Variants in INPP4B observed in about 807,000 individuals in gnomAD.
INPP4B encodes the protein inositol polyphosphate 4-phosphatase type II.
INPP4B carries 55 observed loss-of-function variants against 122.5 expected under a neutral mutation model. The ratio of observed to expected loss-of-function variants is 0.45; its 90% CI spans 0.36 to 0.56. INPP4B has a LOEUF of 0.56. INPP4B is among the 20% of genes least tolerant of loss of function. INPP4B has a pLI of 0.00. For synonymous variants in INPP4B, 403 were observed against 388.7 expected (o/e 1.04, Z -0.43); for missense variants, 1,000 against 1,097.7 (o/e 0.91, Z 1.26).
At chr4:142,324,521 C>A (rs1198227797) in intron 7 of INPP4B, among the ~76,000 whole-genome samples, 3 of 152,146 alleles carry the variant, frequency 2.0e-5, no homozygotes, top group Admixed American at 2.0e-4. Flanking sequence ...CTTTTGGACT[C>A]CAAAACTGTC....
At chr4:142,548,209 A>C (rs1272571262) in intron 2 of INPP4B, among the ~76,000 whole-genome samples, 1 of 152,194 alleles carries the variant, frequency 6.6e-6, no homozygotes, top group Middle Eastern at 3.2e-3. Flanking sequence ...GCCAAGTACT[A>C]GTCATGACAG....
At chr4:142,138,922 C>T (rs897222657) in intron 18 of INPP4B, among the ~76,000 whole-genome samples, 1 of 152,154 alleles carries the variant, frequency 6.6e-6, no homozygotes, top group African/African-American at 2.4e-5. Flanking sequence ...GCCTCAAGGC[C>T]AATAAAGATT....
chr4:142,831,579 A>G (rs1782143740), intron 1 of INPP4B, among the ~76,000 whole-genome samples: 1 of 152,216 alleles, frequency 6.6e-6, no homozygotes, highest in Admixed American at 6.5e-5. Context: ...TTTAAAGAAC[A>G]TGGTACCTAC....
intron 23 of INPP4B, among the ~76,000 whole-genome samples, chr4:142,103,620 T>A (rs970768271): frequency 1.3e-5 from 2 of 152,114 alleles, no homozygotes; most frequent in African/African-American, 4.8e-5. Context: ...AGAAAGAGGT[T>A]TAGCCTTAAT....
intron 18 of INPP4B, among the ~76,000 whole-genome samples, chr4:142,136,839 A>T (rs1291904017): frequency 3.3e-5 from 5 of 152,176 alleles, no homozygotes; most frequent in Non-Finnish European, 7.3e-5. Flanking sequence ...ACAAACCTAA[A>T]GGCAGGTAAA....
intron 2 of INPP4B, among the ~76,000 whole-genome samples, chr4:142,546,107 C>T (rs1829620422): frequency 6.6e-6 from 1 of 151,834 alleles, no homozygotes; most frequent in Non-Finnish European, 1.5e-5. Context: ...TTTGAAAGGA[C>T]CCAATGTGTG....
At chr4:142,368,996 A>G (rs1788675626) in intron 7 of INPP4B, among the ~76,000 whole-genome samples, 1 of 151,976 alleles carries the variant, frequency 6.6e-6, no homozygotes, top group South Asian at 2.1e-4. Context: ...TGATGGTAAG[A>G]GGAGGAGGAG....
chr4:142,095,981 G>A (rs2152592593), intron 23 of INPP4B: 1 of 152,300 alleles, frequency 6.6e-6, no homozygotes, highest in African/African-American at 2.4e-5. Context: ...TTTCCCTGGT[G>A]AGATAATGGT....
chr4:142,702,830 C>T (rs1047358174), intron 2 of INPP4B, among the ~76,000 whole-genome samples: 4 of 151,520 alleles, frequency 2.6e-5, no homozygotes, highest in Admixed American at 2.6e-4. Context: ...AAAAAATTTC[C>T]CTAATTTGGT....
intron 2 of INPP4B, among the ~76,000 whole-genome samples, chr4:142,521,733 A>G (rs115839092): frequency 6.6e-6 from 1 of 152,138 alleles, no homozygotes; most frequent in Non-Finnish European, 1.5e-5. Flanking sequence ...CAAATAATAC[A>G]TAAGATTTCT....
At chr4:142,626,607 T>A (rs1746466310) in intron 2 of INPP4B, among the ~76,000 whole-genome samples, 3 of 152,014 alleles carry the variant, frequency 2.0e-5, no homozygotes, top group African/African-American at 7.2e-5. Context: ...GATTTCAGCC[T>A]TGTGGGATCA....
Position 142,405,288 on chromosome 4 carries a change from T to G in INPP4B, c.173A>C (p.Lys58Thr). The change falls in exon 6 of 26, where the codon AAA becomes ACA. Residue 58 changes from lysine (K) to threonine (T), a missense_variant. Coordinates refer to ENST00000262992, the MANE Select transcript of INPP4B (RefSeq NM_001101669.3). ...GGAGATCTGCACCAGTGTATTCAGT[T>G]TACGATCACGGACAGGAGCCACGAG... ...KDLVAPVRDR[K>T]LNTLVQISVI... is the part of the protein sequence containing the mutation. The G allele has an allele frequency of 6.2e-7, 1 of 1,613,550 alleles. No individual in the cohort carries two copies. Among genetic ancestry groups the G allele is most frequent in the Non-Finnish European group, 8.5e-7 (1 of 1,179,690 alleles).
intron 2 of INPP4B, among the ~76,000 whole-genome samples, chr4:142,615,461 T>C (rs1560868835): frequency 6.6e-6 from 1 of 152,122 alleles, no homozygotes; most frequent in Non-Finnish European, 1.5e-5. Context: ...AAGGAATGTT[T>C]TAAGTTAAGA....
At chr4:142,552,605 C>T (rs1012488525) in intron 2 of INPP4B, among the ~76,000 whole-genome samples, 2 of 151,966 alleles carry the variant, frequency 1.3e-5, no homozygotes, top group Non-Finnish European at 2.9e-5. Flanking sequence ...AAGTGCAATA[C>T]CAAGGATCAG....
chr4:142,549,843 C>G (rs1415525185), intron 2 of INPP4B, among the ~76,000 whole-genome samples: 1 of 152,156 alleles, frequency 6.6e-6, no homozygotes, highest in Non-Finnish European at 1.5e-5. Context: ...CTCTTTCTGG[C>G]TTTGTTCCAG....
At chr4:142,220,410 T>C (rs986494829) in intron 12 of INPP4B, among the ~76,000 whole-genome samples, 2 of 152,238 alleles carry the variant, frequency 1.3e-5, no homozygotes, top group Non-Finnish European at 2.9e-5. Context: ...TTATTTTACT[T>C]TCTAGTTATT....
chr4:142,452,313 C>T (rs1814463931), intron 3 of INPP4B, among the ~76,000 whole-genome samples: 1 of 152,160 alleles, frequency 6.6e-6, no homozygotes, highest in Non-Finnish European at 1.5e-5. Context: ...CCAACAGTGA[C>T]CCGATGTCCT....
intron 2 of INPP4B, among the ~76,000 whole-genome samples, chr4:142,634,079 A>G (rs922531609): frequency 7.2e-5 from 11 of 152,098 alleles, no homozygotes; most frequent in Non-Finnish European, 1.3e-4. Context: ...GGGAGATATT[A>G]GAAACACTTT....
chr4:142,607,297 A>C (rs1355297459), intron 2 of INPP4B, among the ~76,000 whole-genome samples: 1 of 152,106 alleles, frequency 6.6e-6, no homozygotes, highest in African/African-American at 2.4e-5. Flanking sequence ...ATATAAAAGT[A>C]GTCAAATATA....
Sources: gnomAD v4.1 joint callset for allele counts (sites outside exome capture counted in the v4.1 genomes callset) on GRCh38, gnomAD v4.1.1 for gene constraint, MANE v1.5 for transcripts, NCBI Gene and HGNC (gene_info 2026-07-23, HGNC 2026-07-21) for gene names.